Variants in APAF1 observed in about 807,000 individuals in gnomAD.
APAF1 encodes apoptotic peptidase activating factor 1, also known as apoptotic protease-activating factor 1.
APAF1 carries 91 observed loss-of-function variants against 152.4 expected under a neutral mutation model. That is an observed-to-expected ratio of 0.60 (90% CI 0.50 to 0.71). The LOEUF is 0.71. Ranked by LOEUF, APAF1 falls within the 30% of genes least tolerant of loss-of-function variation. The probability of loss-of-function intolerance (pLI) is 0.00; values close to 1 mark genes in which losing one functional copy is unlikely to be tolerated. For synonymous variants in APAF1, 484 were observed against 494.1 expected (o/e 0.98, Z 0.27); for missense variants, 1,283 against 1,472.0 (o/e 0.87, Z 2.10).
intron 25 of APAF1, among the ~76,000 whole-genome samples, chr12:98,725,814 A>G (rs1278089513): frequency 6.6e-6 from 1 of 152,240 alleles, no homozygotes; most frequent in East Asian, 1.9e-4. Context: ...TAGCTTGAGA[A>G]TGATTCATCT....
rs1471337135 is a variant in APAF1, at chr12:98,671,087, GT to G, written c.1608+2del. The G allele has an allele frequency of 6.5e-7, 1 of 1,538,564 alleles. No individual in the cohort carries two copies. Among genetic ancestry groups the G allele is most frequent in the African/African-American group, 1.4e-5 (1 of 73,088 alleles). On this transcript the variant is annotated splice_donor_variant, in intron 11 of 26. Transcript: ENST00000551964. LOFTEE classifies it high-confidence loss of function. The stretch of plus-strand genomic sequence containing the variant: ...ATACAGACATATACTAGATGAAAAG[GT>G]ATATATATTAACATGAAAAATTAGT...
rs998911538 is a variant in APAF1 at position 98,734,185 on chromosome 12, C to T, written c.*1619C>T. 5 of 152,246 alleles carry T rather than the reference C, an allele frequency of 3.3e-5. No homozygotes were observed. Among genetic ancestry groups the T allele is most frequent in the African/African-American group, 1.2e-4 (5 of 41,544 alleles). 9.4% of individuals were successfully genotyped at this position (152,246 alleles called of 1,614,324 possible). ...GTCACTGTAACTCTAGAAGATTAAC[C>T]TTCCAGCCAACCTATTTTCCTTTCC... On this transcript the variant is annotated 3_prime_UTR_variant, in exon 27 of 27. Coordinates refer to ENST00000551964, the MANE Select transcript of APAF1 (RefSeq NM_181861.2).
At chr12:98,728,717 T>C (rs1169266230) in intron 26 of APAF1, among the ~76,000 whole-genome samples, 1 of 152,116 alleles carries the variant, frequency 6.6e-6, no homozygotes, top group Non-Finnish European at 1.5e-5. Context: ...AGCGAGACTA[T>C]CTCAAAAACA....
At chr12:98,708,503 T>A (rs561862594) in intron 19 of APAF1, 82 bp from the exon 20 acceptor site, 2 of 1,418,520 alleles carry the variant, frequency 1.4e-6, no homozygotes, top group Admixed American at 3.5e-5. Context: ...GTATTTTATG[T>A]GAAACATAGT....
In APAF1 at chr12:98,725,398, T is replaced by A. The variant is rs113547860; in HGVS notation, c.3331-17T>A. The A allele has an allele frequency of 1.7e-5, 27 of 1,614,010 alleles. No individual in the cohort carries two copies. Among genetic ancestry groups the A allele is most frequent in the Middle Eastern group, 1.7e-4 (1 of 5,968 alleles). ...GAGTGTTTATAGCATTGCTAAACAA[T>A]CCTAATTGCCTTCCAGATCTGGAGT... is the stretch of plus-strand genomic sequence containing the variant. On this transcript the variant is annotated splice_polypyrimidine_tract_variant and intron_variant, in intron 24 of 26. Coordinates refer to ENST00000551964, the MANE Select transcript of APAF1 (RefSeq NM_181861.2).
chr12:98,684,921 A>G (rs1226293670), intron 15 of APAF1, among the ~76,000 whole-genome samples: 1 of 152,228 alleles, frequency 6.6e-6, no homozygotes, highest in African/African-American at 2.4e-5. Context: ...CTATATTACC[A>G]TAAGGACTAT....
At chr12:98,697,964 GC>G (rs1376100445) in intron 16 of APAF1, among the ~76,000 whole-genome samples, 1 of 152,128 alleles carries the variant, frequency 6.6e-6, no homozygotes, top group East Asian at 1.9e-4. Context: ...TTTAAAGCAC[GC>G]AGAGGCCTGG....
intron 7 of APAF1, among the ~76,000 whole-genome samples, chr12:98,665,273 TATA>T (rs1398596924): frequency 1.4e-4 from 15 of 105,300 alleles, no homozygotes; most frequent in South Asian, 2.8e-4. Context: ...TATATATATA[TATA>T]TATTTTTTTT....
intron 26 of APAF1, 101 bp from the exon 27 acceptor site, chr12:98,732,319 T>A (rs1487655053): frequency 6.7e-6 from 7 of 1,037,484 alleles, no homozygotes; most frequent in African/African-American, 3.1e-5. Context: ...TTGCTTGAGT[T>A]CGGTTGGGGG....
At chr12:98,682,139 C>T (rs1336742264) in intron 14 of APAF1, among the ~76,000 whole-genome samples, 1 of 151,098 alleles carries the variant, frequency 6.6e-6, no homozygotes, top group Non-Finnish European at 1.5e-5. Flanking sequence ...CTGCAAGCTC[C>T]GACTCCCGGG....
At chr12:98,670,514 G>C (rs1257049352) in intron 10 of APAF1, among the ~76,000 whole-genome samples, 1 of 151,982 alleles carries the variant, frequency 6.6e-6, no homozygotes, top group Non-Finnish European at 1.5e-5. Flanking sequence ...TCTATCATAT[G>C]TGTTACAAAT....
chr12:98,722,222 T>G lies in APAF1; in HGVS notation c.3085-971T>G, dbSNP rs1463289356. On this transcript the variant is annotated intron_variant, in intron 22 of 26. Transcript: ENST00000551964. ...CTTTAAACCCATTCCTCAAGCCTAC[T>G]TTGAATGTGCTATCTCCAAATTTTC... is the stretch of plus-strand genomic sequence containing the variant. Among the ~76,000 whole-genome samples, 3 of 152,242 alleles carry G rather than the reference T, an allele frequency of 2.0e-5. No homozygotes were observed. The East Asian group carries it at 5.8e-4, about 29-fold the overall frequency.
At chr12:98,696,270 G>A (rs1203054181) in intron 16 of APAF1, among the ~76,000 whole-genome samples, 1 of 152,208 alleles carries the variant, frequency 6.6e-6, no homozygotes, top group Non-Finnish European at 1.5e-5. Context: ...GGAAAGGGGA[G>A]GGGAAGTGGG....
intron 16 of APAF1, among the ~76,000 whole-genome samples, chr12:98,690,645 A>G (rs1341981770): frequency 6.6e-6 from 1 of 152,206 alleles, no homozygotes; most frequent in Non-Finnish European, 1.5e-5. Flanking sequence ...TATGTGTTGT[A>G]CAAATATAAG....
intron 17 of APAF1, among the ~76,000 whole-genome samples, chr12:98,701,598 T>C (rs983342838): frequency 6.6e-6 from 1 of 152,230 alleles, no homozygotes; most frequent in Non-Finnish European, 1.5e-5. Flanking sequence ...CAATTACCAA[T>C]GATGTTGAAC....
intron 4 of APAF1, among the ~76,000 whole-genome samples, chr12:98,650,200 A>AT (rs554457354): frequency 2.7e-4 from 41 of 150,094 alleles, no homozygotes; most frequent in Middle Eastern, 3.4e-3. Flanking sequence ...GTAGTTAATA[A>AT]TTTTTTTTTT....
chr12:98,661,757 T>A (rs1045529289), intron 5 of APAF1, among the ~76,000 whole-genome samples: 1 of 143,900 alleles, frequency 6.9e-6, no homozygotes, highest in Non-Finnish European at 1.5e-5. Flanking sequence ...GCCTAGAGTA[T>A]TTTTTTTTTT....
chr12:98,728,768 A>G (rs553107362), intron 26 of APAF1, among the ~76,000 whole-genome samples: 1 of 152,310 alleles, frequency 6.6e-6, no homozygotes, highest in East Asian at 1.9e-4. Context: ...ATAATTAGTA[A>G]ATAGAAAAGC....
Position 98,725,544 on chromosome 12 carries a change from G to A in APAF1, c.3456+4G>A. The A allele has an allele frequency of 6.2e-7, 1 of 1,614,128 alleles. No homozygotes were observed. The highest frequency in any genetic ancestry group is 8.5e-7 in the Non-Finnish European group (1 of 1,179,990). On this transcript the variant is annotated splice_donor_region_variant and intron_variant, in intron 25 of 26. Coordinates refer to ENST00000551964, the MANE Select transcript of APAF1 (RefSeq NM_181861.2). ...AGATGACAATGGAGAAATCAGGGTA[G>A]GCTGTTTGCTGACATGAGAGCACTG...
Sources: allele counts gnomAD v4.1 joint callset (sites outside exome capture counted in the v4.1 genomes callset), GRCh38; gene constraint gnomAD v4.1.1; transcripts MANE v1.5; gene names NCBI Gene and HGNC (gene_info 2026-07-23, HGNC 2026-07-21).